The following SNTG1 variants were observed in gnomAD, a reference collection of about 807,000 sequenced individuals.
SNTG1 encodes gamma-1-syntrophin.
Under a neutral mutation model 74.7 loss-of-function variants are expected in SNTG1, and 39 were observed. That is an observed-to-expected ratio of 0.52 (90% CI 0.40 to 0.68). The LOEUF is 0.68. Ranked by LOEUF, SNTG1 falls within the 30% of genes least tolerant of loss-of-function variation. The probability of loss-of-function intolerance (pLI) is 0.00; values close to 1 mark genes in which losing one functional copy is unlikely to be tolerated. For missense variants in SNTG1, 685 were observed against 609.5 expected (o/e 1.12, Z -1.30); for synonymous variants, 254 against 217.1 (o/e 1.17, Z -1.49).
chr8:50,570,901 T>C (rs1481479), intron 12 of SNTG1, among the ~76,000 whole-genome samples: 131,377 of 152,010 alleles, frequency 0.86, 56,965 homozygotes, highest in East Asian at 0.94. Context: ...ACCACACCTC[T>C]GGCTCTTATT....
At chr8:50,426,738 A>T (rs2093168346) in intron 4 of SNTG1, among the ~76,000 whole-genome samples, 1 of 152,070 alleles carries the variant, frequency 6.6e-6, no homozygotes, top group Non-Finnish European at 1.5e-5. Flanking sequence ...ATCATTCACA[A>T]TCACTCACCA....
chr8:50,582,824 G>C (rs548648255), intron 12 of SNTG1, among the ~76,000 whole-genome samples: 1 of 151,704 alleles, frequency 6.6e-6, no homozygotes, highest in South Asian at 2.1e-4. Flanking sequence ...TCTATGTTTT[G>C]GGTCATTCAT....
At chr8:50,515,239 G>T (rs140421027) in intron 9 of SNTG1, among the ~76,000 whole-genome samples, 3 of 152,180 alleles carry the variant, frequency 2.0e-5, no homozygotes, top group East Asian at 1.9e-4. Context: ...TTGGCTTCTT[G>T]TTGCATATAA....
chr8:50,421,638 A>G (rs1379369482), intron 4 of SNTG1, among the ~76,000 whole-genome samples: 1 of 151,968 alleles, frequency 6.6e-6, no homozygotes, highest in Non-Finnish European at 1.5e-5. Flanking sequence ...ATTTTACCCA[A>G]CCCTTTTTCA....
At chr8:50,624,855 T>G (rs2094946726) in intron 13 of SNTG1, among the ~76,000 whole-genome samples, 1 of 152,154 alleles carries the variant, frequency 6.6e-6, no homozygotes, top group South Asian at 2.1e-4. Flanking sequence ...AGGTTCATAC[T>G]GCAAGACACA....
Position 50,656,989 on chromosome 8 carries a change from G to T in SNTG1, c.930G>T (p.Leu310=). ...DRVYSPTFLA[L]RGSCLYKFLA... ...TGTACTCCCCGACCTTCCTGGCCCT[G>T]AGGGGCTCATGTCTCTACAAGTTTC... The change falls in exon 14 of 19, where the codon CTG becomes CTT. Residue 310 remains leucine (L), a synonymous_variant. Transcript: ENST00000642720. The T allele has an allele frequency of 6.3e-7, 1 of 1,586,854 alleles. No individual in the cohort carries two copies. The highest frequency in any genetic ancestry group is 8.6e-7 in the Non-Finnish European group (1 of 1,167,822).
intron 2 of SNTG1, among the ~76,000 whole-genome samples, chr8:50,312,389 T>G: frequency 6.6e-6 from 1 of 152,138 alleles, no homozygotes; most frequent in East Asian, 1.9e-4. Flanking sequence ...TCCAATAATC[T>G]TGATATGAAA....
chr8:49,959,481 A>G (rs1810487567), intron 1 of SNTG1, among the ~76,000 whole-genome samples: 1 of 152,182 alleles, frequency 6.6e-6, no homozygotes, highest in Non-Finnish European at 1.5e-5. Flanking sequence ...ACAGACACTA[A>G]TCTGCTTTCT....
At chr8:50,116,689 G>C (rs918789943) in intron 1 of SNTG1, among the ~76,000 whole-genome samples, 2 of 152,274 alleles carry the variant, frequency 1.3e-5, no homozygotes, top group Admixed American at 1.3e-4. Flanking sequence ...TTGTTAGTCA[G>C]GTTAGGTTGT....
At chr8:50,480,271 C>CTTTTTTTTTTTTT (rs1371936659) in intron 8 of SNTG1, among the ~76,000 whole-genome samples, 3 of 151,294 alleles carry the variant, frequency 2.0e-5, no homozygotes, top group South Asian at 2.1e-4. Flanking sequence ...TCGTCTTTTT[C>CTTTTTTTTTTTTT]TTTTTTGAGA....
At chr8:50,394,734 T>C (rs2092705299) in intron 3 of SNTG1, among the ~76,000 whole-genome samples, 1 of 152,180 alleles carries the variant, frequency 6.6e-6, no homozygotes, top group Admixed American at 6.6e-5. Flanking sequence ...CGAGTTAAAG[T>C]GGCACATTAG....
chr8:50,202,798 T>A (rs2084039675), intron 2 of SNTG1, among the ~76,000 whole-genome samples: 1 of 151,450 alleles, frequency 6.6e-6, no homozygotes, highest in Admixed American at 6.6e-5. Context: ...TTGTTTTGTT[T>A]TTTTTTTTTT....
At chr8:50,264,564 C>T (rs985129178) in intron 2 of SNTG1, among the ~76,000 whole-genome samples, 6 of 149,476 alleles carry the variant, frequency 4.0e-5, no homozygotes, top group Non-Finnish European at 7.4e-5. Context: ...AGCAAGCCTC[C>T]GTCTCAAAAT....
chr8:50,422,262 A>G (rs56386634), intron 4 of SNTG1, among the ~76,000 whole-genome samples: 100,298 of 130,454 alleles, frequency 0.77, 36,112 homozygotes, highest in East Asian at 0.85. Flanking sequence ...CTATCTATCT[A>G]TCTATCTACT....
intron 12 of SNTG1, among the ~76,000 whole-genome samples, chr8:50,590,530 A>G (rs1315112328): frequency 1.3e-5 from 2 of 152,134 alleles, no homozygotes; most frequent in South Asian, 2.1e-4. Context: ...TGGATATAAT[A>G]TAATTTCAAA....
At chr8:50,518,911 TC>T (rs1563514715) in intron 9 of SNTG1, among the ~76,000 whole-genome samples, 1 of 152,062 alleles carries the variant, frequency 6.6e-6, no homozygotes. Flanking sequence ...CTGAAACTAT[TC>T]CAAACCATTG....
chr8:50,786,255 GA>G (rs2095674834), intron 18 of SNTG1, among the ~76,000 whole-genome samples: 1 of 151,672 alleles, frequency 6.6e-6, no homozygotes, highest in South Asian at 2.1e-4. Flanking sequence ...GTAAAATTAA[GA>G]AAAAATTTCA....
chr8:50,299,139 G>C (rs1353261800), intron 2 of SNTG1, among the ~76,000 whole-genome samples: 1 of 152,112 alleles, frequency 6.6e-6, no homozygotes, highest in Non-Finnish European at 1.5e-5. Context: ...TTTACACCTT[G>C]ATAGTTTTAG....
intron 15 of SNTG1, among the ~76,000 whole-genome samples, chr8:50,684,595 A>G (rs1466428224): frequency 6.6e-6 from 1 of 152,140 alleles, no homozygotes; most frequent in African/African-American, 2.4e-5. Context: ...CAAATAAAAT[A>G]CAATGATAAA....
Sources: gnomAD v4.1 joint callset for allele counts (sites outside exome capture counted in the v4.1 genomes callset) on GRCh38, gnomAD v4.1.1 for gene constraint, MANE v1.5 for transcripts, NCBI Gene and HGNC (gene_info 2026-07-23, HGNC 2026-07-21) for gene names.